Variants in CACNA2D4 observed in about 807,000 individuals in gnomAD.
CACNA2D4 encodes the protein voltage-dependent calcium channel subunit alpha-2/delta-4.
In CACNA2D4, 157 loss-of-function variants were observed where a neutral mutation model predicts 163.8. That is an observed-to-expected ratio of 0.96 (90% CI 0.84 to 1.09). The LOEUF (loss-of-function observed/expected upper bound fraction) is 1.09. Ranked by LOEUF, CACNA2D4 falls within the 50% of genes least tolerant of loss-of-function variation. The pLI, the probability that CACNA2D4 is intolerant of heterozygous loss-of-function variation, is 0.00. For missense variants in CACNA2D4, 1,410 were observed against 1,479.9 expected (o/e 0.95, Z 0.78); for synonymous variants, 598 against 586.9 (o/e 1.02, Z -0.27).
At chr12:1,867,742 C>T (rs910206394) in intron 18 of CACNA2D4, among the ~76,000 whole-genome samples, 1 of 4,752 alleles carries the variant, frequency 2.1e-4, no homozygotes, top group East Asian at 4.6e-3. Context: ...CCACACAACT[C>T]AACAGCAAAA....
At chr12:1,860,355 T>C in intron 18 of CACNA2D4, 149 bp from the exon 19 acceptor site, 1 of 648,482 alleles carries the variant, frequency 1.5e-6, no homozygotes, top group Non-Finnish European at 2.8e-6. Flanking sequence ...ACACACCTCA[T>C]CCTAGTGACA....
Position 1,860,184 on chromosome 12 carries a change from T to C in CACNA2D4, c.1901A>G (p.Asn634Ser). 1 of 1,613,830 alleles carries C rather than the reference T, an allele frequency of 6.2e-7. No individual in the cohort carries two copies. The highest frequency in any genetic ancestry group is 8.5e-7 in the Non-Finnish European group (1 of 1,179,782). The change falls in exon 19 of 38, where the codon AAT (asparagine) becomes AGT (serine). Residue 634 changes from asparagine (N) to serine (S), a missense_variant. Coordinates refer to ENST00000382722, the MANE Select transcript of CACNA2D4 (RefSeq NM_172364.5). ...DKGKRVLFLT[N>S]DYFFTDISDT... Reference sequence around the variant, plus strand: ...GCTGATGTCCGTGAAGAAGTAGTCATTGGTCAGGAAAAGAACTCGCTTCTG... The same window carrying C: ...GCTGATGTCCGTGAAGAAGTAGTCACTGGTCAGGAAAAGAACTCGCTTCTG...
At chr12:1,838,295 C>G (rs566004841) in intron 26 of CACNA2D4, among the ~76,000 whole-genome samples, 1 of 152,160 alleles carries the variant, frequency 6.6e-6, no homozygotes. Context: ...GCTGAGTGCC[C>G]GTCTCCTACC....
Position 1,875,479 on chromosome 12 carries a change from TA to T in CACNA2D4, c.1720-143del, listed in dbSNP as rs1483712027. On this transcript the variant is annotated intron_variant, in intron 16 of 37. Transcript: ENST00000382722. This position sits in a 1 kb window ranked among gnomAD's most constrained non-coding sequence, Gnocchi z 4.0. ...AATCAATCCAGTAATTACTTAAGGT[TA>T]TCTGGGCAAATTCCACCTGATACAG... 1 of 634,728 alleles carries T rather than the reference TA, an allele frequency of 1.6e-6. No homozygotes were observed. The highest frequency in any genetic ancestry group is 1.8e-5 in the African/African-American group (1 of 55,780). The allele number at this position is 634,728 out of a possible 1,614,324, so 39.3% of individuals were successfully genotyped here.
intron 29 of CACNA2D4, among the ~76,000 whole-genome samples, chr12:1,805,497 C>T (rs1376915637): frequency 6.6e-6 from 1 of 152,242 alleles, no homozygotes; most frequent in Non-Finnish European, 1.5e-5. Flanking sequence ...GTCCCTGTGT[C>T]TGGCTCGGGT....
In CACNA2D4 at chr12:1,801,034, G is replaced by A; in HGVS notation, c.2868+9C>T. The A allele has an allele frequency of 6.2e-7, 1 of 1,612,276 alleles. No homozygotes were observed. The highest frequency in any genetic ancestry group is 8.5e-7 in the Non-Finnish European group (1 of 1,179,428). ...TGGCTGGCAGAGGGAAGGGCTGGGTGACACTCACGCTGACCAGGGGCTGGG... is the reference window on the plus strand; with the variant it reads ...TGGCTGGCAGAGGGAAGGGCTGGGTAACACTCACGCTGACCAGGGGCTGGG... On this transcript the variant is annotated intron_variant, in intron 31 of 37. Transcript: ENST00000382722.
intron 18 of CACNA2D4, among the ~76,000 whole-genome samples, chr12:1,867,063 C>T (rs1210855846): frequency 6.6e-6 from 1 of 152,140 alleles, no homozygotes; most frequent in Non-Finnish European, 1.5e-5. Flanking sequence ...TTATATACAG[C>T]AGTCTTATTG....
chr12:1,807,016 C>G (rs144918638), intron 29 of CACNA2D4, among the ~76,000 whole-genome samples: 1 of 151,948 alleles, frequency 6.6e-6, no homozygotes, highest in Non-Finnish European at 1.5e-5. Context: ...TCCCGGCCTC[C>G]TGGGAGTCCT....
intron 6 of CACNA2D4, among the ~76,000 whole-genome samples, chr12:1,890,936 C>T (rs1472627015): frequency 6.6e-6 from 1 of 152,218 alleles, no homozygotes; most frequent in Non-Finnish European, 1.5e-5. Flanking sequence ...GGGGACTGAA[C>T]TGCCCAGCTC....
rs529929374 is a variant in CACNA2D4 at position 1,844,832 on chromosome 12, C to G, written c.2343-303G>C. Among the ~76,000 whole-genome samples, 1 of 152,286 alleles carries G rather than the reference C, an allele frequency of 6.6e-6. No homozygotes were observed. The highest frequency in any genetic ancestry group is 6.5e-5 in the Admixed American group (1 of 15,298). The stretch of plus-strand genomic sequence containing the variant: ...TCTTTTGGATAGAGCCCAATTTCTT[C>G]TTGTCTGGCTCGTTGGCACGTCTGA... On this transcript the variant is annotated intron_variant, in intron 24 of 37. Transcript: ENST00000382722. The surrounding 1 kb of genome is among the most constrained non-coding windows in gnomAD (Gnocchi z 4.2).
intron 26 of CACNA2D4, among the ~76,000 whole-genome samples, chr12:1,816,600 C>T (rs1447760981): frequency 6.6e-6 from 1 of 152,216 alleles, no homozygotes; most frequent in Non-Finnish European, 1.5e-5. Flanking sequence ...CAGCTCAGCT[C>T]CGCTGGCAGA....
chr12:1,860,664 T>A (rs1189284512), intron 18 of CACNA2D4, among the ~76,000 whole-genome samples: 1 of 152,188 alleles, frequency 6.6e-6, no homozygotes, highest in Non-Finnish European at 1.5e-5. Flanking sequence ...CTGGAGCCCA[T>A]GTATACATAC....
chr12:1,846,903 C>T (rs1865158664), intron 23 of CACNA2D4, among the ~76,000 whole-genome samples: 1 of 152,228 alleles, frequency 6.6e-6, no homozygotes, highest in Non-Finnish European at 1.5e-5. Flanking sequence ...CCGGGCAGCA[C>T]CCCTGTGAAG....
chr12:1,894,718 G>A (rs187492687), intron 6 of CACNA2D4, among the ~76,000 whole-genome samples: 3 of 152,172 alleles, frequency 2.0e-5, no homozygotes, highest in Admixed American at 6.5e-5. Flanking sequence ...AGCAAACTAG[G>A]CATAGAAGGA....
intron 16 of CACNA2D4, among the ~76,000 whole-genome samples, chr12:1,876,395 G>C (rs911852756): frequency 2.6e-5 from 4 of 152,186 alleles, no homozygotes; most frequent in African/African-American, 9.7e-5. Flanking sequence ...TCTCTCTGAA[G>C]CCAAGACAGA....
chr12:1,903,366 G>A (rs1429136628), intron 6 of CACNA2D4, among the ~76,000 whole-genome samples: 2 of 151,926 alleles, frequency 1.3e-5, no homozygotes, highest in African/African-American at 4.8e-5. Flanking sequence ...TTGATAAATG[G>A]GATCACATCA....
intron 36 of CACNA2D4, 61 bp from the exon 37 acceptor site, chr12:1,795,442 A>G (rs2154444974): frequency 2.0e-6 from 3 of 1,492,702 alleles, no homozygotes; most frequent in Non-Finnish European, 2.7e-6. Flanking sequence ...CAGACTGGAA[A>G]AAGGTCTGGA....
In CACNA2D4 at chr12:1,805,181, C is replaced by T. The variant is rs900033123; in HGVS notation, c.2722-3537G>A. Reference sequence around the variant, plus strand: ...GGGGCTGGGTCAAAAGAGTCGAGGACCCCCCCTGCCTGGCCTTCGAGTCTG... The same window carrying T: ...GGGGCTGGGTCAAAAGAGTCGAGGATCCCCCCTGCCTGGCCTTCGAGTCTG... On this transcript the variant is annotated intron_variant, in intron 29 of 37. Coordinates refer to ENST00000382722, the MANE Select transcript of CACNA2D4 (RefSeq NM_172364.5). Among the ~76,000 whole-genome samples the T allele has an allele frequency of 2.6e-5, 4 of 151,726 alleles. No homozygotes were observed. In the East Asian group the frequency reaches 5.8e-4, roughly 22 times the overall value.
chr12:1,867,820 C>A (rs796686465), intron 18 of CACNA2D4, among the ~76,000 whole-genome samples: 9 of 147,328 alleles, frequency 6.1e-5, no homozygotes, highest in Non-Finnish European at 1.0e-4. Flanking sequence ...CCTGAATAGA[C>A]CTTTCTCAAA....
Sources: gnomAD v4.1 joint callset for allele counts (sites outside exome capture counted in the v4.1 genomes callset) on GRCh38, gnomAD v4.1.1 for gene constraint, Gnocchi (gnomAD v3.1) non-coding constraint, MANE v1.5 for transcripts, NCBI Gene and HGNC (gene_info 2026-07-23, HGNC 2026-07-21) for gene names.